The following MYO1D variants were observed in gnomAD, a reference collection of about 807,000 sequenced individuals.
MYO1D encodes the protein unconventional myosin-Id.
MYO1D carries 83 observed loss-of-function variants against 122.0 expected under a neutral mutation model. The ratio of observed to expected loss-of-function variants is 0.68; its 90% CI spans 0.57 to 0.82. MYO1D has a LOEUF of 0.82. Ranked by LOEUF, MYO1D falls within the 40% of genes least tolerant of loss-of-function variation. The probability of loss-of-function intolerance (pLI) is 0.00; values close to 1 mark genes in which losing one functional copy is unlikely to be tolerated. For synonymous variants in MYO1D, 464 were observed against 446.9 expected (o/e 1.04, Z -0.48); for missense variants, 1,157 against 1,269.5 (o/e 0.91, Z 1.35).
intron 1 of MYO1D, among the ~76,000 whole-genome samples, chr17:32,804,452 AAT>A (rs2090491411): frequency 6.6e-6 from 1 of 152,198 alleles, no homozygotes; most frequent in Non-Finnish European, 1.5e-5. Context: ...TTTATTTTTA[AAT>A]ATTGTCCTTT....
At chr17:32,750,737 A>G (rs2089890629) in intron 11 of MYO1D, among the ~76,000 whole-genome samples, 1 of 152,230 alleles carries the variant, frequency 6.6e-6, no homozygotes, top group Non-Finnish European at 1.5e-5. Flanking sequence ...TTGACAAGTG[A>G]ATAATTACAG....
At chr17:32,538,029 T>G (rs1186694486) in intron 21 of MYO1D, among the ~76,000 whole-genome samples, 1 of 152,140 alleles carries the variant, frequency 6.6e-6, no homozygotes, top group Non-Finnish European at 1.5e-5. Flanking sequence ...TAAGGCCCCA[T>G]TTTTTTCAAC....
chr17:32,598,859 G>C (rs970728491), intron 21 of MYO1D, among the ~76,000 whole-genome samples: 2 of 152,192 alleles, frequency 1.3e-5, no homozygotes, highest in Non-Finnish European at 2.9e-5. Context: ...AATCCAATGA[G>C]AGTGCTCCTT....
rs565085715 is a variant in MYO1D, at chr17:32,737,503, G to C, written c.1746+750C>G. On this transcript the variant is annotated intron_variant, in intron 14 of 21. Coordinates refer to ENST00000318217, the MANE Select transcript of MYO1D (RefSeq NM_015194.3). ...AGCCTCCAGAGTACCTGGGACCACA[G>C]GCATGTGCCACCATGCCTGGCTAAT... Among the ~76,000 whole-genome samples, 3 of 152,142 alleles carry C rather than the reference G, an allele frequency of 2.0e-5. No individual in the cohort carries two copies. The South Asian group carries it at 6.2e-4, about 32-fold the overall frequency.
At chr17:32,524,172 C>G (rs910602802) in intron 21 of MYO1D, among the ~76,000 whole-genome samples, 3 of 152,224 alleles carry the variant, frequency 2.0e-5, no homozygotes, top group African/African-American at 7.2e-5. Context: ...TCTGTTTTCT[C>G]TGGGGCTGAA....
At chr17:32,792,574 T>C (rs62070167) in intron 1 of MYO1D, 2 of 152,220 alleles carry the variant, frequency 1.3e-5, no homozygotes, top group Admixed American at 6.5e-5. Context: ...TTTTATCCCC[T>C]TGTTAGACTG....
chr17:32,623,774 A>G (rs1298818202), intron 20 of MYO1D, among the ~76,000 whole-genome samples: 2 of 152,160 alleles, frequency 1.3e-5, no homozygotes, highest in Non-Finnish European at 2.9e-5. Context: ...TAGAAGTCCG[A>G]GATGAGGGTG....
At chr17:32,536,444 T>A (rs1362082244) in intron 21 of MYO1D, among the ~76,000 whole-genome samples, 1 of 152,224 alleles carries the variant, frequency 6.6e-6, no homozygotes, top group Non-Finnish European at 1.5e-5. Flanking sequence ...TTCTATTGTA[T>A]CAGGTCATTT....
chr17:32,634,725 T>C (rs1324224712), intron 20 of MYO1D, among the ~76,000 whole-genome samples: 2 of 152,226 alleles, frequency 1.3e-5, no homozygotes, highest in African/African-American at 4.8e-5. Flanking sequence ...AGCACAATTT[T>C]AGGTCCTGTT....
chr17:32,864,914 C>T (rs752171497), intron 1 of MYO1D, among the ~76,000 whole-genome samples: 18 of 151,750 alleles, frequency 1.2e-4, no homozygotes, highest in Non-Finnish European at 2.4e-4. Context: ...AAATATAAAC[C>T]GATAGGAAAG....
chr17:32,637,101 A>C (rs1387852945), intron 20 of MYO1D, among the ~76,000 whole-genome samples: 1 of 152,256 alleles, frequency 6.6e-6, no homozygotes, highest in African/African-American at 2.4e-5. Context: ...GACATGAATA[A>C]GGGAAAACAG....
chr17:32,579,482 C>T (rs1056011373), intron 21 of MYO1D, among the ~76,000 whole-genome samples: 1 of 152,180 alleles, frequency 6.6e-6, no homozygotes, highest in African/African-American at 2.4e-5. Flanking sequence ...ATTCTAGTCA[C>T]TTTTATTAAG....
At chr17:32,503,501 G>T (rs1295268491) in intron 21 of MYO1D, among the ~76,000 whole-genome samples, 1 of 152,216 alleles carries the variant, frequency 6.6e-6, no homozygotes, top group African/African-American at 2.4e-5. Context: ...AGTGGAAGTG[G>T]GGTGCAGTGC....
At chr17:32,702,925 T>C (rs1020586435) in intron 16 of MYO1D, among the ~76,000 whole-genome samples, 3 of 152,220 alleles carry the variant, frequency 2.0e-5, no homozygotes, top group Admixed American at 2.0e-4. Flanking sequence ...AGGGGTAGCA[T>C]AATTTAAATT....
intron 1 of MYO1D, among the ~76,000 whole-genome samples, chr17:32,813,984 T>A (rs1384826938): frequency 1.3e-5 from 2 of 152,208 alleles, no homozygotes; most frequent in Non-Finnish European, 2.9e-5. Context: ...TTTCACATGT[T>A]GGTAACTTTC....
chr17:32,870,713 CA>C (rs1383874245), intron 1 of MYO1D, among the ~76,000 whole-genome samples: 1 of 152,058 alleles, frequency 6.6e-6, no homozygotes, highest in Non-Finnish European at 1.5e-5. Flanking sequence ...TGGGGAAGGG[CA>C]AATTCTGTAG....
At chr17:32,582,796 G>A (rs550710787) in intron 21 of MYO1D, among the ~76,000 whole-genome samples, 11 of 152,038 alleles carry the variant, frequency 7.2e-5, no homozygotes, top group East Asian at 1.9e-4. Context: ...TCCCTTGTTC[G>A]TTTTTGCTTT....
intron 1 of MYO1D, among the ~76,000 whole-genome samples, chr17:32,832,057 C>A (rs1051084986): frequency 1.3e-5 from 2 of 152,142 alleles, no homozygotes; most frequent in African/African-American, 4.8e-5. Context: ...TAGATCTTAG[C>A]CAAAAGGCCA....
intron 1 of MYO1D, among the ~76,000 whole-genome samples, chr17:32,871,250 T>C (rs2151093628): frequency 6.6e-6 from 1 of 152,294 alleles, no homozygotes; most frequent in African/African-American, 2.4e-5. Flanking sequence ...AGAGACATTT[T>C]TGGTTGTCAT....
Sources: allele counts gnomAD v4.1 joint callset (sites outside exome capture counted in the v4.1 genomes callset), GRCh38; gene constraint gnomAD v4.1.1; transcripts MANE v1.5; gene names NCBI Gene and HGNC (gene_info 2026-07-23, HGNC 2026-07-21).